TENM2: variants seen among roughly 807,000 people sequenced by gnomAD.
The protein encoded by TENM2 is teneurin transmembrane protein 2.
A neutral mutation model predicts 245.2 loss-of-function variants in TENM2; 52 were observed. That is an observed-to-expected ratio of 0.21 (90% confidence interval 0.17 to 0.27). The LOEUF (loss-of-function observed/expected upper bound fraction) is 0.27. Ranked by LOEUF, TENM2 falls within the 10% of genes least tolerant of loss-of-function variation. TENM2 has a pLI of 1.00. For missense variants in TENM2, 3,046 were observed against 3,666.8 expected (o/e 0.83, Z 4.37); for synonymous variants, 1,363 against 1,438.9 (o/e 0.95, Z 1.19).
intron 21 of TENM2, 144 bp from the exon 24 acceptor site, chr5:168,216,624 G>A: frequency 1.4e-6 from 1 of 733,162 alleles, no homozygotes; most frequent in Non-Finnish European, 2.3e-6. Flanking sequence ...AGAAGGCTGA[G>A]AACCACTGCT....
intron 2 of TENM2, among the ~76,000 whole-genome samples, chr5:167,487,666 T>C (rs1768160158): frequency 6.6e-6 from 1 of 152,168 alleles, no homozygotes; most frequent in Non-Finnish European, 1.5e-5. Flanking sequence ...CACTAATTAA[T>C]TCAATTCTGT....
chr5:167,521,135 T>C (rs868740569), intron 2 of TENM2, among the ~76,000 whole-genome samples: 2 of 151,958 alleles, frequency 1.3e-5, no homozygotes, highest in Middle Eastern at 3.4e-3. Flanking sequence ...TAGGCAACCA[T>C]ATGCCATGAT....
the TENM2 span, among the ~76,000 whole-genome samples, chr5:166,997,271 T>C: frequency 6.6e-6 from 1 of 152,200 alleles, no homozygotes; most frequent in South Asian, 2.1e-4. Context: ...AGAACTGATA[T>C]TTATTGATTA....
chr5:167,264,581 A>G, the TENM2 span, among the ~76,000 whole-genome samples: 8 of 152,178 alleles, frequency 5.3e-5, no homozygotes, highest in Non-Finnish European at 1.2e-4. Context: ...ATTGAGCACA[A>G]GCCCTCACTG....
intron 13 of TENM2, among the ~76,000 whole-genome samples, chr5:168,176,827 G>A (rs748326359): frequency 2.0e-5 from 3 of 152,090 alleles, no homozygotes; most frequent in African/African-American, 7.2e-5. Context: ...TTTCATTTTA[G>A]GATTTCAAAA....
chr5:167,481,465 A>G (rs541014380), intron 2 of TENM2, among the ~76,000 whole-genome samples: 37 of 152,348 alleles, frequency 2.4e-4, no homozygotes, highest in African/African-American at 8.9e-4. Flanking sequence ...GCACACATCC[A>G]CGCCATTAGC....
chr5:167,156,810 C>T, the TENM2 span, among the ~76,000 whole-genome samples: 2 of 152,162 alleles, frequency 1.3e-5, no homozygotes, highest in African/African-American at 4.8e-5. Flanking sequence ...CTTGCCCAGA[C>T]TACCAGAAGT....
intron 2 of TENM2, among the ~76,000 whole-genome samples, chr5:167,695,911 G>A (rs1230468297): frequency 6.6e-6 from 1 of 151,890 alleles, no homozygotes; most frequent in African/African-American, 2.4e-5. Context: ...GCGGACACCT[G>A]TAGTCCCAGC....
At chr5:168,208,896 A>G (rs1009509085) in intron 19 of TENM2, among the ~76,000 whole-genome samples, 1 of 152,216 alleles carries the variant, frequency 6.6e-6, no homozygotes, top group Admixed American at 6.5e-5. Flanking sequence ...AACCCAAAAA[A>G]TTGCAAAGTT....
At chr5:167,807,246 T>G (rs11749188) in intron 2 of TENM2, among the ~76,000 whole-genome samples, 74,916 of 147,866 alleles carry the variant, frequency 0.51, 19,848 homozygotes, top group Non-Finnish European at 0.61. Context: ...TTTTGGGGGG[T>G]AAGGTTAATT....
intron 3 of TENM2, among the ~76,000 whole-genome samples, chr5:167,907,137 C>T (rs1776148035): frequency 6.6e-6 from 1 of 152,154 alleles, no homozygotes; most frequent in South Asian, 2.1e-4. Context: ...GAGGCTGAGG[C>T]AGGAGAATCA....
chr5:167,081,568 G>T, the TENM2 span, among the ~76,000 whole-genome samples: 3 of 152,112 alleles, frequency 2.0e-5, no homozygotes, highest in Non-Finnish European at 4.4e-5. Context: ...GAAAGCAAAG[G>T]AGAAAGCATC....
intron 11 of TENM2, among the ~76,000 whole-genome samples, chr5:168,125,655 G>A (rs1183404054): frequency 6.6e-6 from 1 of 152,018 alleles, no homozygotes; most frequent in African/African-American, 2.4e-5. Context: ...CCTCTGGGTA[G>A]TGAGACAGCT....
intron 2 of TENM2, among the ~76,000 whole-genome samples, chr5:167,824,008 T>C (rs910057648): frequency 1.3e-5 from 2 of 152,006 alleles, no homozygotes; most frequent in African/African-American, 4.8e-5. Context: ...CCTTACCTAA[T>C]TCAGGTTTGT....
At chr5:167,507,340 G>T (rs1316920272) in intron 2 of TENM2, among the ~76,000 whole-genome samples, 1 of 152,120 alleles carries the variant, frequency 6.6e-6, no homozygotes, top group African/African-American at 2.4e-5. Flanking sequence ...TTAAAAATAG[G>T]ATTTCTCGTT....
At chr5:167,865,488 A>G (rs925867244) in intron 2 of TENM2, among the ~76,000 whole-genome samples, 54 of 152,122 alleles carry the variant, frequency 3.5e-4, no homozygotes, top group Middle Eastern at 6.8e-3. Flanking sequence ...TGCCCAGGCC[A>G]GTTTCAAACT....
the TENM2 span, chr5:167,116,552 T>C: frequency 6.6e-6 from 1 of 152,204 alleles, no homozygotes; most frequent in Non-Finnish European, 1.5e-5. Flanking sequence ...ACAATAGTTA[T>C]AAATCATTTG....
chr5:167,947,345 A>C (rs947461825), intron 3 of TENM2, among the ~76,000 whole-genome samples: 2 of 152,224 alleles, frequency 1.3e-5, no homozygotes, highest in Non-Finnish European at 2.9e-5. Context: ...TAGGCTCCTT[A>C]AAAATATATT....
intron 1 of TENM2, among the ~76,000 whole-genome samples, chr5:167,357,256 C>T (rs1358672210): frequency 1.3e-5 from 2 of 151,460 alleles, no homozygotes; most frequent in African/African-American, 4.9e-5. Flanking sequence ...GCACAGAGCC[C>T]TCGTTGCTTT....
Sources: allele counts gnomAD v4.1 joint callset (sites outside exome capture counted in the v4.1 genomes callset), GRCh38; gene constraint gnomAD v4.1.1; transcripts MANE v1.5; gene names NCBI Gene and HGNC (gene_info 2026-07-23, HGNC 2026-07-21).